Variants in DOCK3 observed in about 807,000 individuals in gnomAD.
DOCK3 encodes the protein dedicator of cytokinesis 3.
Under a neutral mutation model 265.6 loss-of-function variants are expected in DOCK3, and 60 were observed. The ratio of observed to expected loss-of-function variants is 0.23; its 90% CI spans 0.18 to 0.28. The LOEUF (loss-of-function observed/expected upper bound fraction) is 0.28, where lower values mean the gene tolerates loss of function less well. DOCK3 is among the 10% of genes least tolerant of loss of function. The pLI is 1.00. For synonymous variants in DOCK3, 881 were observed against 938.0 expected, an observed-to-expected ratio of 0.94 and a Z score of 1.11; for missense variants, 1,981 against 2,594.3, an observed-to-expected ratio of 0.76 and a Z score of 5.14.
intron 1 of DOCK3, among the ~76,000 whole-genome samples, chr3:50,729,022 C>T (rs2038017088): frequency 7.3e-6 from 1 of 137,072 alleles, no homozygotes; most frequent in Non-Finnish European, 1.6e-5. Context: ...CCGTGCCTGG[C>T]CTGTTTTTCT....
chr3:51,105,566 A>G (rs2083249906), intron 9 of DOCK3, among the ~76,000 whole-genome samples: 2 of 152,236 alleles, frequency 1.3e-5, no homozygotes, highest in South Asian at 2.1e-4. Context: ...GTATCTATAT[A>G]TAATGGAATA....
At chr3:51,222,304 G>C (rs528049420) in intron 14 of DOCK3, among the ~76,000 whole-genome samples, 1 of 152,312 alleles carries the variant, frequency 6.6e-6, no homozygotes, top group African/African-American at 2.4e-5. Context: ...CCCACTGGTA[G>C]GTTTTGTGAA....
chr3:50,912,025 T>C (rs1228904790), intron 4 of DOCK3, among the ~76,000 whole-genome samples: 1 of 152,116 alleles, frequency 6.6e-6, no homozygotes, highest in Non-Finnish European at 1.5e-5. Context: ...GTTGATGTTA[T>C]ATACTGCAAC....
intron 1 of DOCK3, among the ~76,000 whole-genome samples, chr3:50,722,995 A>G (rs906834136): frequency 6.6e-6 from 1 of 152,090 alleles, no homozygotes; most frequent in Non-Finnish European, 1.5e-5. Context: ...GCTGGTCTCA[A>G]ACTCCAGAGC....
intron 5 of DOCK3, among the ~76,000 whole-genome samples, chr3:50,990,325 C>T (rs1289329237): frequency 6.6e-6 from 1 of 152,106 alleles, no homozygotes; most frequent in Non-Finnish European, 1.5e-5. Flanking sequence ...AGTTTCTACA[C>T]CAGATCATCC....
At chr3:50,777,845 A>T (rs886150853) in intron 1 of DOCK3, among the ~76,000 whole-genome samples, 2 of 152,110 alleles carry the variant, frequency 1.3e-5, no homozygotes, top group Non-Finnish European at 2.9e-5. Flanking sequence ...GTATATGATT[A>T]TATCATTGAT....
chr3:50,784,189 G>A (rs1432926066), intron 2 of DOCK3, among the ~76,000 whole-genome samples: 2 of 152,120 alleles, frequency 1.3e-5, no homozygotes, highest in Non-Finnish European at 2.9e-5. Flanking sequence ...TTTGTATAAG[G>A]TGAGAGATGG....
intron 5 of DOCK3, among the ~76,000 whole-genome samples, chr3:51,010,971 G>A (rs145597542): frequency 0.011 from 1,698 of 152,218 alleles, 28 homozygotes; most frequent in African/African-American, 0.039. Flanking sequence ...CGCTTGTGGG[G>A]TTTCTGCCGA....
At chr3:51,046,802 G>A (rs1252172945) in intron 5 of DOCK3, among the ~76,000 whole-genome samples, 1 of 152,030 alleles carries the variant, frequency 6.6e-6, no homozygotes, top group South Asian at 2.1e-4. Context: ...CTCCAGGATA[G>A]ATCACGTACT....
chr3:51,131,627 G>A (rs746021769), intron 9 of DOCK3, among the ~76,000 whole-genome samples: 3 of 152,108 alleles, frequency 2.0e-5, no homozygotes, highest in Non-Finnish European at 2.9e-5. Context: ...AAGTAGGAAT[G>A]CAGTAGGCTT....
chr3:51,228,232 G>A (rs755968907), intron 17 of DOCK3, 144 bp downstream of exon 17: 19 of 775,252 alleles, frequency 2.5e-5, no homozygotes, highest in Middle Eastern at 2.9e-4. Flanking sequence ...GACATCTGTG[G>A]GCAGGCTTCT....
At chr3:51,351,212 G>A (rs1018055923) in intron 40 of DOCK3, among the ~76,000 whole-genome samples, 1 of 152,156 alleles carries the variant, frequency 6.6e-6, no homozygotes, top group African/African-American at 2.4e-5. Flanking sequence ...TGGAGCAGTT[G>A]AGACCTAATT....
intron 2 of DOCK3, among the ~76,000 whole-genome samples, chr3:50,834,743 A>G (rs1188027337): frequency 6.6e-6 from 1 of 152,240 alleles, no homozygotes; most frequent in Non-Finnish European, 1.5e-5. Context: ...ATGGTAACTC[A>G]AACATTTAAA....
chr3:51,084,267 G>A (rs2082342039), intron 7 of DOCK3, among the ~76,000 whole-genome samples: 1 of 151,950 alleles, frequency 6.6e-6, no homozygotes, highest in Non-Finnish European at 1.5e-5. Context: ...AATCTAATAA[G>A]ATTTTAAAGG....
intron 2 of DOCK3, among the ~76,000 whole-genome samples, chr3:50,801,998 A>C (rs377561608): frequency 6.6e-6 from 1 of 152,254 alleles, no homozygotes; most frequent in South Asian, 2.1e-4. Flanking sequence ...TTCGTCCAAT[A>C]TAAGTATAGC....
At chr3:50,916,553 C>T (rs974102184) in intron 4 of DOCK3, among the ~76,000 whole-genome samples, 1 of 152,062 alleles carries the variant, frequency 6.6e-6, no homozygotes, top group Non-Finnish European at 1.5e-5. Context: ...CACGGTGGCT[C>T]ACACCTGTAA....
intron 5 of DOCK3, among the ~76,000 whole-genome samples, chr3:50,990,395 A>G (rs937738130): frequency 3.3e-5 from 5 of 152,162 alleles, no homozygotes; most frequent in African/African-American, 1.2e-4. Flanking sequence ...AAGAATGTTA[A>G]AGGAAGCTAG....
At chr3:50,794,612 G>A (rs1296274256) in intron 2 of DOCK3, among the ~76,000 whole-genome samples, 1 of 152,018 alleles carries the variant, frequency 6.6e-6, no homozygotes, top group Non-Finnish European at 1.5e-5. Context: ...TTTATTTCAA[G>A]TCTGTGGGTG....
In DOCK3 at chr3:51,260,495, A is replaced by C. The variant is rs187677387; in HGVS notation, c.2355+169A>C. Among the ~76,000 whole-genome samples, 187 of 152,302 alleles carry C rather than the reference A, an allele frequency of 1.2e-3. 1 individual carries two copies. The highest frequency in any genetic ancestry group is 2.1e-3 in the Non-Finnish European group (140 of 68,030). On this transcript the variant is annotated intron_variant, in intron 23 of 52. Coordinates refer to ENST00000266037, the MANE Select transcript of DOCK3 (RefSeq NM_004947.5). ...ACAACAAAATGCTGCTTTTACTGCA[A>C]ATCTGGCTGTGCCTCAGCTGCCAGA...
Sources: allele counts gnomAD v4.1 joint callset (sites outside exome capture counted in the v4.1 genomes callset), GRCh38; gene constraint gnomAD v4.1.1; transcripts MANE v1.5; gene names NCBI Gene and HGNC (gene_info 2026-07-23, HGNC 2026-07-21).